The following ARHGEF10L variants were observed in gnomAD, a reference collection of about 807,000 sequenced individuals.
ARHGEF10L encodes rho guanine nucleotide exchange factor 10-like protein.
In ARHGEF10L, 69 loss-of-function variants were observed where a neutral mutation model predicts 141.2. The observed-to-expected ratio is 0.49, with a 90% CI of 0.40 to 0.60. ARHGEF10L has a LOEUF of 0.60. Ranked by LOEUF, ARHGEF10L falls within the 20% of genes least tolerant of loss-of-function variation. ARHGEF10L has a pLI of 0.00. For missense variants in ARHGEF10L, 1,482 were observed against 1,734.3 expected (o/e 0.85, Z 2.58); for synonymous variants, 711 against 718.5 (o/e 0.99, Z 0.17).
At chr1:17,527,870 CT>C in the ARHGEF10L span, among the ~76,000 whole-genome samples, 3 of 21,024 alleles carry the variant, frequency 1.4e-4, no homozygotes, top group East Asian at 2.8e-3. Context: ...TCTTTCTTTT[CT>C]TTTTTTTTTT....
At chr1:17,659,595 T>C (rs1403481311) in intron 25 of ARHGEF10L, among the ~76,000 whole-genome samples, 1 of 152,198 alleles carries the variant, frequency 6.6e-6, no homozygotes, top group African/African-American at 2.4e-5. Context: ...AGGCTCTGTA[T>C]CAACCTCAGA....
At position 17,548,418 on chromosome 1, in the gene ARHGEF10L, G is replaced by A. The variant is rs576156842; in HGVS notation, c.-44+8468G>A. On this transcript the variant is annotated intron_variant, in intron 1 of 28. Coordinates refer to ENST00000361221, the MANE Select transcript of ARHGEF10L (RefSeq NM_018125.4). The stretch of plus-strand genomic sequence containing the variant: ...ACAAAAGAAAAGTATTGGACTCTTA[G>A]GGGTCAGTAAATTTCAGGAAAGTGA... Among the ~76,000 whole-genome samples the A allele has an allele frequency of 3.3e-5, 5 of 152,198 alleles. No homozygotes were observed. In the South Asian group the frequency reaches 1.0e-3, roughly 32 times the overall value.
Position 17,625,964 on chromosome 1 carries a change from G to C in ARHGEF10L, c.1326G>C (p.Gln442His). 1.2e-6 allele frequency: 2 copies of C among 1,613,852 alleles called. No homozygotes were observed. Among genetic ancestry groups the C allele is most frequent in the East Asian group, 2.2e-5 (1 of 44,860 alleles). Reference sequence around the variant, plus strand: ...AACCTTGTCTCCACCAGCGACGGCAGGTGTGCAGCCCAGACCGTGTCACCC... The same window carrying C: ...AACCTTGTCTCCACCAGCGACGGCACGTGTGCAGCCCAGACCGTGTCACCC... ...PAFLEFLKRRQVCSPDRVTLY... is the reference protein window; with the variant it reads ...PAFLEFLKRRHVCSPDRVTLY... The change falls in exon 14 of 29, where the codon CAG (glutamine) becomes CAC (histidine). Residue 442 changes from glutamine to histidine, a missense_variant. This residue lies in a region of ARHGEF10L where 392 missense variants were observed against 542.1 expected (regional missense o/e 0.72). Transcript: ENST00000361221. The surrounding 1 kb of genome is among the most constrained non-coding windows in gnomAD (Gnocchi z 4.5).
intron 4 of ARHGEF10L, among the ~76,000 whole-genome samples, chr1:17,590,671 C>A (rs2100712341): frequency 6.6e-6 from 1 of 152,136 alleles, no homozygotes; most frequent in Middle Eastern, 3.4e-3. Context: ...GGTCTGTGTT[C>A]CATGGAAGCA....
At chr1:17,522,110 C>G in the ARHGEF10L span, among the ~76,000 whole-genome samples, 1 of 151,652 alleles carries the variant, frequency 6.6e-6, no homozygotes, top group Non-Finnish European at 1.5e-5. Context: ...TGGAGTGTCC[C>G]GGGCAAAGGA....
At chr1:17,552,243 G>A (rs998940758) in intron 1 of ARHGEF10L, among the ~76,000 whole-genome samples, 5 of 152,162 alleles carry the variant, frequency 3.3e-5, no homozygotes, top group African/African-American at 9.7e-5. Context: ...TGTGCTATGA[G>A]CTCTGTCACT....
intron 27 of ARHGEF10L, chr1:17,694,333 C>G (rs1019094317): frequency 6.4e-6 from 1 of 156,980 alleles, no homozygotes; most frequent in Non-Finnish European, 1.4e-5. Context: ...AGGATGGGCC[C>G]CAGGTCATGT....
At chr1:17,540,830 C>T (rs2076698541) in intron 1 of ARHGEF10L, among the ~76,000 whole-genome samples, 1 of 152,212 alleles carries the variant, frequency 6.6e-6, no homozygotes, top group Admixed American at 6.5e-5. Context: ...AAGCCACGCC[C>T]CACCTGCCGG....
At chr1:17,630,225 A>G (rs891651860) in intron 15 of ARHGEF10L, among the ~76,000 whole-genome samples, 3 of 152,240 alleles carry the variant, frequency 2.0e-5, no homozygotes, top group Admixed American at 1.3e-4. Flanking sequence ...TGTAACCCGA[A>G]ACGGAACCAT....
chr1:17,515,087 C>T, the ARHGEF10L span, among the ~76,000 whole-genome samples: 1 of 152,124 alleles, frequency 6.6e-6, no homozygotes, highest in Non-Finnish European at 1.5e-5. Context: ...CTGCTTTCTT[C>T]AGAAAGTTGG....
intron 26 of ARHGEF10L, among the ~76,000 whole-genome samples, chr1:17,686,323 C>A (rs1169188494): frequency 6.6e-6 from 1 of 152,086 alleles, no homozygotes; most frequent in East Asian, 1.9e-4. Flanking sequence ...TCCATCCATT[C>A]ATTTTTTTGA....
chr1:17,654,086 C>T lies in ARHGEF10L; in HGVS notation c.2395-550C>T, dbSNP rs954452615. Reference sequence around the variant, plus strand: ...CATTTCCTAGAATTGCTGTCCTGGCCAGAGAGAGGGACTGACCAGGTCTAG... The same window carrying T: ...CATTTCCTAGAATTGCTGTCCTGGCTAGAGAGAGGGACTGACCAGGTCTAG... On this transcript the variant is annotated intron_variant, in intron 22 of 28. Transcript: ENST00000361221. The surrounding 1 kb of genome is among the most constrained non-coding windows in gnomAD (Gnocchi z 4.3). 6.6e-6 allele frequency among the ~76,000 whole-genome samples: 1 copy of T among 152,164 alleles called. No homozygotes were observed. The highest frequency in any genetic ancestry group is 1.5e-5 in the Non-Finnish European group (1 of 68,020).
At chr1:17,513,435 T>C in the ARHGEF10L span, among the ~76,000 whole-genome samples, 1 of 152,210 alleles carries the variant, frequency 6.6e-6, no homozygotes, top group Non-Finnish European at 1.5e-5. Flanking sequence ...TTTGAATGTA[T>C]TCAGTGGAGA....
chr1:17,627,951 T>G lies in ARHGEF10L; in HGVS notation c.1584+448T>G, dbSNP rs1011756338. Reference sequence around the variant, plus strand: ...GCCGCAAAAGAGGGAGCTGGCAAAGTGGCTTCGTGATTGTCCTTAACACAA... The same window carrying G: ...GCCGCAAAAGAGGGAGCTGGCAAAGGGGCTTCGTGATTGTCCTTAACACAA... On this transcript the variant is annotated intron_variant, in intron 15 of 28. Coordinates refer to ENST00000361221, the MANE Select transcript of ARHGEF10L (RefSeq NM_018125.4). This position sits in a 1 kb window ranked among gnomAD's most constrained non-coding sequence, Gnocchi z 4.0. 4.0e-5 allele frequency among the ~76,000 whole-genome samples: 6 copies of G among 151,832 alleles called. No individual in the cohort carries two copies. The highest frequency in any genetic ancestry group is 3.3e-4 in the Admixed American group (5 of 15,250).
chr1:17,691,498 G>C (rs1453405390), intron 27 of ARHGEF10L, among the ~76,000 whole-genome samples: 4 of 152,110 alleles, frequency 2.6e-5, no homozygotes, highest in Non-Finnish European at 4.4e-5. Context: ...GGAGAGGGAG[G>C]CGATGAGGCT....
intron 5 of ARHGEF10L, 82 bp downstream of exon 5, chr1:17,602,300 T>C: frequency 1.4e-6 from 2 of 1,451,368 alleles, no homozygotes; most frequent in Non-Finnish European, 1.9e-6. Context: ...AGAGAGCTGA[T>C]GTGGGCTCCT....
intron 1 of ARHGEF10L, among the ~76,000 whole-genome samples, chr1:17,577,471 T>G (rs1284948497): frequency 6.6e-6 from 1 of 152,220 alleles, no homozygotes; most frequent in African/African-American, 2.4e-5. Context: ...ACCTGAACTC[T>G]TTTCTAACCC....
chr1:17,586,679 C>G (rs975798761), intron 2 of ARHGEF10L, among the ~76,000 whole-genome samples: 2 of 152,114 alleles, frequency 1.3e-5, no homozygotes, highest in African/African-American at 2.4e-5. Flanking sequence ...AGGGGACAGA[C>G]AGGTGAGATG....
chr1:17,564,638 A>T (rs1485760887), intron 1 of ARHGEF10L, among the ~76,000 whole-genome samples: 2 of 152,084 alleles, frequency 1.3e-5, no homozygotes, highest in Admixed American at 6.5e-5. Flanking sequence ...TCATTTATTG[A>T]CTATGTGACC....
Sources: allele counts gnomAD v4.1 joint callset (sites outside exome capture counted in the v4.1 genomes callset), GRCh38; gene constraint gnomAD v4.1.1; regional missense constraint gnomAD v4.1.1; non-coding constraint Gnocchi (gnomAD v3.1); transcripts MANE v1.5; gene names NCBI Gene and HGNC (gene_info 2026-07-23, HGNC 2026-07-21).